NKAIN2: variants seen among roughly 807,000 people sequenced by gnomAD.
The protein encoded by NKAIN2 is sodium/potassium transporting ATPase interacting 2, also known as sodium/potassium-transporting ATPase subunit beta-1-interacting protein 2.
In NKAIN2, 14 loss-of-function variants were observed where a neutral mutation model predicts 32.6. The observed-to-expected ratio is 0.43, with a 90% CI of 0.28 to 0.67. The LOEUF (loss-of-function observed/expected upper bound fraction) is 0.67. Ranked by LOEUF, NKAIN2 falls within the 30% of genes least tolerant of loss-of-function variation. The pLI is 0.17. For synonymous variants in NKAIN2, 80 were observed against 87.2 expected (o/e 0.92, Z 0.46); for missense variants, 198 against 258.3 (o/e 0.77, Z 1.60).
chr6:124,563,577 T>C (rs574401768), intron 3 of NKAIN2, among the ~76,000 whole-genome samples: 1 of 152,276 alleles, frequency 6.6e-6, no homozygotes, highest in East Asian at 1.9e-4. Flanking sequence ...CAAGGTTGTG[T>C]TCCCTGTAAA....
At chr6:124,396,226 C>T (rs145438494) in intron 3 of NKAIN2, among the ~76,000 whole-genome samples, 101 of 151,444 alleles carry the variant, frequency 6.7e-4, no homozygotes, top group African/African-American at 2.3e-3. Flanking sequence ...CCATGGGCAT[C>T]GCAAGATTTA....
intron 1 of NKAIN2, among the ~76,000 whole-genome samples, chr6:123,910,662 T>A (rs1478168947): frequency 4.6e-5 from 7 of 151,790 alleles, no homozygotes; most frequent in Admixed American, 4.6e-4. Context: ...CGCACAACCA[T>A]GCCCAGCTAA....
intron 3 of NKAIN2, among the ~76,000 whole-genome samples, chr6:124,595,211 G>A (rs777078865): frequency 2.6e-5 from 4 of 152,120 alleles, no homozygotes; most frequent in South Asian, 2.1e-4. Context: ...CACTGCAAAC[G>A]TCCCATGATC....
At chr6:124,130,801 T>C (rs1186162310) in intron 1 of NKAIN2, among the ~76,000 whole-genome samples, 2 of 152,034 alleles carry the variant, frequency 1.3e-5, no homozygotes, top group Non-Finnish European at 2.9e-5. Context: ...ACCTGGAGAG[T>C]AGAAAACAAT....
intron 3 of NKAIN2, among the ~76,000 whole-genome samples, chr6:124,448,813 A>G (rs530365708): frequency 1.1e-4 from 17 of 152,234 alleles, no homozygotes; most frequent in African/African-American, 4.1e-4. Flanking sequence ...CTGCCTATGT[A>G]TAGTGAATAG....
intron 5 of NKAIN2, chr6:124,794,822 C>T: frequency 4.4e-6 from 4 of 916,070 alleles, no homozygotes; most frequent in Non-Finnish European, 5.2e-6. Context: ...TATGTAATCA[C>T]TTTCCTGATG....
At chr6:124,586,988 A>C (rs1220174573) in intron 3 of NKAIN2, among the ~76,000 whole-genome samples, 3 of 152,190 alleles carry the variant, frequency 2.0e-5, no homozygotes, top group Non-Finnish European at 4.4e-5. Context: ...AAAAGGCAAA[A>C]CTTCAAGGTA....
intron 4 of NKAIN2, among the ~76,000 whole-genome samples, chr6:124,743,383 C>T (rs1777309825): frequency 6.6e-6 from 1 of 151,828 alleles, no homozygotes. Flanking sequence ...CCTAGCCTCT[C>T]CATGTAGTCC....
At chr6:124,731,987 G>T (rs1168047001) in intron 4 of NKAIN2, among the ~76,000 whole-genome samples, 2 of 152,008 alleles carry the variant, frequency 1.3e-5, no homozygotes, top group Non-Finnish European at 2.9e-5. Flanking sequence ...TATAATAAAT[G>T]GATCTCAGGC....
chr6:124,244,872 G>A (rs1299553282), intron 1 of NKAIN2, among the ~76,000 whole-genome samples: 1 of 152,000 alleles, frequency 6.6e-6, no homozygotes, highest in Non-Finnish European at 1.5e-5. Context: ...TTTCACTAGT[G>A]GAAGATAATT....
chr6:124,334,057 A>C (rs775419172), intron 2 of NKAIN2, among the ~76,000 whole-genome samples: 3 of 152,222 alleles, frequency 2.0e-5, no homozygotes, highest in African/African-American at 7.2e-5. Flanking sequence ...CTTTCCTGCT[A>C]TCCATGTTTC....
intron 2 of NKAIN2, among the ~76,000 whole-genome samples, chr6:124,306,825 T>A (rs568814808): frequency 6.6e-6 from 1 of 152,280 alleles, no homozygotes; most frequent in African/African-American, 2.4e-5. Flanking sequence ...CAATTCTGCT[T>A]ATAAGGAAAG....
chr6:123,862,767 T>C, intron 1 of NKAIN2, among the ~76,000 whole-genome samples: 1 of 152,182 alleles, frequency 6.6e-6, no homozygotes, highest in East Asian at 1.9e-4. Flanking sequence ...CACAGCATTG[T>C]TTTACACTGG....
chr6:124,287,600 G>T (rs997937054), intron 2 of NKAIN2, among the ~76,000 whole-genome samples: 13 of 152,236 alleles, frequency 8.5e-5, no homozygotes, highest in Non-Finnish European at 1.8e-4. Context: ...GAAACCTGAA[G>T]CCAGAATTCA....
chr6:123,808,178 T>C (rs1582563462), intron 1 of NKAIN2, among the ~76,000 whole-genome samples: 1 of 152,192 alleles, frequency 6.6e-6, no homozygotes, highest in Admixed American at 6.5e-5. Flanking sequence ...TAGAATCTTA[T>C]GATATTCCTG....
chr6:124,343,810 T>C (rs1466979715), intron 2 of NKAIN2, among the ~76,000 whole-genome samples: 6 of 148,910 alleles, frequency 4.0e-5, no homozygotes, highest in Non-Finnish European at 9.0e-5. Context: ...TAGTTTCTTT[T>C]GCTGTGCAGA....
chr6:124,057,659 T>C (rs1782722618), intron 1 of NKAIN2, among the ~76,000 whole-genome samples: 1 of 151,798 alleles, frequency 6.6e-6, no homozygotes, highest in African/African-American at 2.4e-5. Flanking sequence ...TTAATCCATC[T>C]GTACTATCAA....
rs770167576 is a variant in NKAIN2, at chr6:124,319,137, G to A, written c.192+35995G>A. ...ACCAGTCCCTAGAAGGAAGTAATAA[G>A]CCTCAGTAAACCCATTTTACAAATA... On this transcript the variant is annotated intron_variant, in intron 2 of 6. Coordinates refer to ENST00000368417, the MANE Select transcript of NKAIN2 (RefSeq NM_001040214.3). Among the ~76,000 whole-genome samples the A allele has an allele frequency of 1.2e-4, 19 of 152,084 alleles. 1 individual carries two copies. Among genetic ancestry groups the A allele is most frequent in the South Asian group, 4.1e-4 (2 of 4,826 alleles).
At chr6:124,203,200 G>T (rs1356456714) in intron 1 of NKAIN2, among the ~76,000 whole-genome samples, 5 of 151,796 alleles carry the variant, frequency 3.3e-5, no homozygotes, top group African/African-American at 7.3e-5. Flanking sequence ...TGTTGAGGGG[G>T]ATCACACATG....
Sources: gnomAD v4.1 joint callset for allele counts (sites outside exome capture counted in the v4.1 genomes callset) on GRCh38, gnomAD v4.1.1 for gene constraint, MANE v1.5 for transcripts, NCBI Gene and HGNC (gene_info 2026-07-23, HGNC 2026-07-21) for gene names.